Variants in ROBO1 observed in about 807,000 individuals in gnomAD.
ROBO1 encodes roundabout homolog 1.
A neutral mutation model predicts 195.9 loss-of-function variants in ROBO1; 149 were observed. That is an observed-to-expected ratio of 0.76 (90% CI 0.67 to 0.87). The LOEUF is 0.87. Among genes scored for constraint, ROBO1 ranks in the 40% least tolerant of loss-of-function variants. ROBO1 has a pLI of 0.00. For missense variants in ROBO1, 1,933 were observed against 2,068.3 expected, an observed-to-expected ratio of 0.93 and a Z score of 1.27; for synonymous variants, 816 against 733.2, an observed-to-expected ratio of 1.11 and a Z score of -1.82.
intron 2 of ROBO1, among the ~76,000 whole-genome samples, chr3:79,547,970 GA>G (rs997065139): frequency 3.3e-5 from 5 of 151,794 alleles, no homozygotes; most frequent in African/African-American, 1.2e-4. Context: ...GACATCTATA[GA>G]AAAAAAATGC....
At chr3:78,796,417 T>G (rs2084186798) in intron 4 of ROBO1, among the ~76,000 whole-genome samples, 1 of 108,414 alleles carries the variant, frequency 9.2e-6, no homozygotes, top group Non-Finnish European at 1.9e-5. Context: ...CACACATTCT[T>G]TGCTTGGGTC....
chr3:79,595,495 T>C (rs538614199), intron 1 of ROBO1, among the ~76,000 whole-genome samples: 3 of 152,030 alleles, frequency 2.0e-5, no homozygotes, highest in Non-Finnish European at 2.9e-5. Flanking sequence ...GGACAGTAAC[T>C]GTTAAAGGTT....
At chr3:79,728,188 T>A (rs1703001167) in intron 1 of ROBO1, among the ~76,000 whole-genome samples, 1 of 152,080 alleles carries the variant, frequency 6.6e-6, no homozygotes, top group Non-Finnish European at 1.5e-5. Context: ...AAGACTGTAC[T>A]TTTTTTATTT....
intron 29 of ROBO1, among the ~76,000 whole-genome samples, chr3:78,604,108 C>T (rs921081618): frequency 7.1e-4 from 108 of 152,060 alleles, no homozygotes; most frequent in Non-Finnish European, 7.4e-5. Flanking sequence ...CTTGCTCTGT[C>T]GCCCAGACCT....
At chr3:79,227,913 G>A (rs966415600) in intron 2 of ROBO1, among the ~76,000 whole-genome samples, 1 of 152,104 alleles carries the variant, frequency 6.6e-6, no homozygotes, top group Non-Finnish European at 1.5e-5. Context: ...GATTTAATGG[G>A]AAACCGGAAA....
chr3:79,040,587 C>T (rs932795937), intron 3 of ROBO1, among the ~76,000 whole-genome samples: 8 of 152,116 alleles, frequency 5.3e-5, no homozygotes, highest in African/African-American at 1.9e-4. Flanking sequence ...TTCGTTTTGA[C>T]TATTACTCAT....
intron 2 of ROBO1, among the ~76,000 whole-genome samples, chr3:79,314,470 C>T (rs1009125482): frequency 7.9e-5 from 12 of 152,104 alleles, no homozygotes; most frequent in Non-Finnish European, 1.2e-4. Context: ...TCTTTGCTGC[C>T]GCATGTGAAG....
intron 2 of ROBO1, among the ~76,000 whole-genome samples, chr3:79,452,709 T>C (rs2039485064): frequency 6.6e-6 from 1 of 151,966 alleles, no homozygotes; most frequent in Non-Finnish European, 1.5e-5. Flanking sequence ...ACCTGAAGAG[T>C]TTTATTTAGA....
intron 2 of ROBO1, among the ~76,000 whole-genome samples, chr3:79,503,096 A>C (rs1246008171): frequency 6.6e-6 from 1 of 152,060 alleles, no homozygotes; most frequent in East Asian, 1.9e-4. Flanking sequence ...TTTGCAATAA[A>C]TCTCGCTGCT....
At chr3:78,990,755 C>T (rs2077218782) in intron 3 of ROBO1, among the ~76,000 whole-genome samples, 1 of 152,068 alleles carries the variant, frequency 6.6e-6, no homozygotes, top group South Asian at 2.1e-4. Context: ...AAAAAAACTA[C>T]ATACCAGGCT....
chr3:79,411,744 G>A (rs550613762), intron 2 of ROBO1, among the ~76,000 whole-genome samples: 27 of 152,186 alleles, frequency 1.8e-4, no homozygotes, highest in East Asian at 1.2e-3. Context: ...TGGAGCTTAC[G>A]GAATGTGGAG....
chr3:79,322,252 A>G (rs2109133390), intron 2 of ROBO1, among the ~76,000 whole-genome samples: 1 of 152,348 alleles, frequency 6.6e-6, no homozygotes, highest in East Asian at 1.9e-4. Context: ...TTCTTTCTGA[A>G]AAAACATTCA....
At chr3:79,726,677 G>A (rs962189988) in intron 1 of ROBO1, among the ~76,000 whole-genome samples, 8 of 151,764 alleles carry the variant, frequency 5.3e-5, no homozygotes, top group Non-Finnish European at 7.4e-5. Flanking sequence ...CATTTGTTTC[G>A]CCAACAGCAA....
At chr3:78,989,150 T>G (rs1392473923) in intron 3 of ROBO1, among the ~76,000 whole-genome samples, 1 of 152,120 alleles carries the variant, frequency 6.6e-6, no homozygotes, top group Non-Finnish European at 1.5e-5. Flanking sequence ...AATGATAATA[T>G]AGTTTCAAAT....
At chr3:79,376,064 C>T (rs2036372180) in intron 2 of ROBO1, among the ~76,000 whole-genome samples, 1 of 152,136 alleles carries the variant, frequency 6.6e-6, no homozygotes, top group South Asian at 2.1e-4. Flanking sequence ...CCTAACTAAG[C>T]TTAAATAACT....
chr3:78,825,062 A>G (rs1393196506), intron 4 of ROBO1, among the ~76,000 whole-genome samples: 1 of 152,176 alleles, frequency 6.6e-6, no homozygotes, highest in Non-Finnish European at 1.5e-5. Context: ...CCCTTTTAAC[A>G]CTATCACTCT....
At chr3:78,756,842 AC>A (rs2082945442) in intron 4 of ROBO1, among the ~76,000 whole-genome samples, 1 of 152,114 alleles carries the variant, frequency 6.6e-6, no homozygotes, top group South Asian at 2.1e-4. Flanking sequence ...AAAAACAACA[AC>A]ATAATGTGAA....
At chr3:78,922,838 T>C (rs967049856) in intron 4 of ROBO1, among the ~76,000 whole-genome samples, 4 of 151,944 alleles carry the variant, frequency 2.6e-5, no homozygotes, top group Non-Finnish European at 4.4e-5. Flanking sequence ...CCTCAAGGGA[T>C]CCACCCGCCT....
chr3:78,810,423 G>GA (rs1006619396), intron 4 of ROBO1, among the ~76,000 whole-genome samples: 55 of 151,256 alleles, frequency 3.6e-4, no homozygotes, highest in Non-Finnish European at 7.5e-4. Context: ...GTATATTTTT[G>GA]AAAAAAAATT....
Sources: allele counts gnomAD v4.1 joint callset (sites outside exome capture counted in the v4.1 genomes callset), GRCh38; gene constraint gnomAD v4.1.1; transcripts MANE v1.5; gene names NCBI Gene and HGNC (gene_info 2026-07-23, HGNC 2026-07-21).